The following ESR1 variants were observed in gnomAD, a reference collection of about 807,000 sequenced individuals.
ESR1 encodes estrogen receptor 1.
ESR1 carries 12 observed loss-of-function variants against 52.7 expected under a neutral mutation model. That is an observed-to-expected ratio of 0.23 (90% CI 0.15 to 0.37). The LOEUF is 0.37. Among genes scored for constraint, ESR1 ranks in the 10% least tolerant of loss-of-function variants. ESR1 has a pLI of 1.00. For missense variants in ESR1, 584 were observed against 779.7 expected (o/e 0.75, Z 2.99); for synonymous variants, 305 against 316.8 (o/e 0.96, Z 0.39).
intron 2 of ESR1, among the ~76,000 whole-genome samples, chr6:151,736,375 G>GTTTT (rs10624912): frequency 8.0e-5 from 9 of 112,740 alleles, no homozygotes; most frequent in African/African-American, 3.4e-4. Flanking sequence ...TCCAGGTAGT[G>GTTTT]TTTTTTTTTT....
intron 2 of ESR1, among the ~76,000 whole-genome samples, chr6:151,850,002 ATAT>A (rs1365554335): frequency 1.3e-5 from 1 of 76,770 alleles, no homozygotes; most frequent in Non-Finnish European, 2.7e-5. Context: ...ATATATATAT[ATAT>A]AATTTTGTAT....
At chr6:151,818,409 T>A in intron 1 of ESR1, among the ~76,000 whole-genome samples, 1 of 152,228 alleles carries the variant, frequency 6.6e-6, no homozygotes, top group Non-Finnish European at 1.5e-5. Context: ...TCTTGGTTCT[T>A]TGTTTTTGAT....
intron 5 of ESR1, among the ~76,000 whole-genome samples, chr6:152,029,106 A>G (rs1423577928): frequency 6.6e-6 from 1 of 152,242 alleles, no homozygotes; most frequent in African/African-American, 2.4e-5. Flanking sequence ...AAAACTAACA[A>G]ACAGAAAGGA....
chr6:151,850,721 C>G lies in ESR1; in HGVS notation c.643+7934C>G, dbSNP rs1313731172. On this transcript the variant is annotated intron_variant, in intron 2 of 7. Transcript: ENST00000206249. Reference sequence around the variant, plus strand: ...CTTGCCACTCCCTCCGGCATCCGTACTTCAAACTGGGGAGTTAGTTATTTC... The same window carrying G: ...CTTGCCACTCCCTCCGGCATCCGTAGTTCAAACTGGGGAGTTAGTTATTTC... Among the ~76,000 whole-genome samples, 4 of 152,210 alleles carry G rather than the reference C, an allele frequency of 2.6e-5. No individual in the cohort carries two copies. The East Asian group carries it at 7.8e-4, about 30-fold the overall frequency.
intron 5 of ESR1, among the ~76,000 whole-genome samples, chr6:152,050,918 T>A (rs546830539): frequency 6.6e-6 from 1 of 152,352 alleles, no homozygotes; most frequent in African/African-American, 2.4e-5. Context: ...TGTGCTTTGT[T>A]ATAAGGATAG....
chr6:151,996,336 C>T (rs1487092754), intron 4 of ESR1, among the ~76,000 whole-genome samples: 1 of 152,124 alleles, frequency 6.6e-6, no homozygotes, highest in East Asian at 1.9e-4. Flanking sequence ...GGGGACCTCC[C>T]ACTGTCCTCT....
chr6:151,934,610 A>G (rs552439648), intron 3 of ESR1, among the ~76,000 whole-genome samples: 2 of 152,312 alleles, frequency 1.3e-5, no homozygotes, highest in South Asian at 2.1e-4. Flanking sequence ...TAATTTTGGT[A>G]GGAGACAGCA....
chr6:151,687,307 G>A (rs77032294), upstream of ESR1, among the ~76,000 whole-genome samples: 3,416 of 152,248 alleles, frequency 0.022, 54 homozygotes, highest in East Asian at 0.065. Flanking sequence ...TCCTTAGAAC[G>A]ATAGTGAGTG....
intron 2 of ESR1, among the ~76,000 whole-genome samples, chr6:151,879,663 T>C (rs1031631006): frequency 1.1e-4 from 17 of 152,192 alleles, no homozygotes; most frequent in African/African-American, 3.9e-4. Context: ...CGGGGAACTA[T>C]GGTAAACTCC....
At chr6:151,726,387 A>G (rs1364185278) in intron 2 of ESR1, among the ~76,000 whole-genome samples, 1 of 151,194 alleles carries the variant, frequency 6.6e-6, no homozygotes, top group Non-Finnish European at 1.5e-5. Context: ...GCTGGAGTGC[A>G]GTGGCGCAAT....
intron 3 of ESR1, among the ~76,000 whole-genome samples, chr6:151,922,609 A>C (rs2031920731): frequency 6.6e-6 from 1 of 152,090 alleles, no homozygotes; most frequent in African/African-American, 2.4e-5. Flanking sequence ...GGGTTTTTTA[A>C]AAGCCTTTTC....
intron 6 of ESR1, among the ~76,000 whole-genome samples, chr6:152,123,665 G>T (rs143991803): frequency 2.0e-5 from 3 of 152,162 alleles, no homozygotes; most frequent in Non-Finnish European, 4.4e-5. Context: ...GGCATTTGGT[G>T]TACACTCAGA....
At chr6:152,007,957 TC>T (rs773878280) in intron 4 of ESR1, among the ~76,000 whole-genome samples, 14 of 152,156 alleles carry the variant, frequency 9.2e-5, no homozygotes, top group Non-Finnish European at 2.1e-4. Context: ...ATCAGAACAT[TC>T]TTCCTGTTTA....
chr6:152,098,895 T>C lies in ESR1; in HGVS notation c.1717T>C (p.Ser573Pro), dbSNP rs1219566739. The C allele has an allele frequency of 6.2e-7, 1 of 1,614,204 alleles. No homozygotes were observed. The highest frequency in any genetic ancestry group is 8.5e-7 in the Non-Finnish European group (1 of 1,180,032). ...CCAAAGCCACTTGGCCACTGCGGGC[T>C]CTACTTCATCGCATTCCTTGCAAAA... ...TDQSHLATAGSTSSHSLQKYY... is the reference protein window; with the variant it reads ...TDQSHLATAGPTSSHSLQKYY... The change falls in exon 8 of 8, where the codon TCT becomes CCT. Residue 573 changes from serine to proline, a missense_variant. Transcript: ENST00000206249. This position sits in a 1 kb window ranked among gnomAD's most constrained non-coding sequence, Gnocchi z 5.1.
intron 3 of ESR1, among the ~76,000 whole-genome samples, chr6:151,887,420 A>G (rs962723935): frequency 5.0e-4 from 76 of 152,266 alleles, no homozygotes; most frequent in African/African-American, 1.7e-3. Flanking sequence ...AAGTAAGTGA[A>G]TCACATATGG....
intron 2 of ESR1, among the ~76,000 whole-genome samples, chr6:151,752,252 T>A (rs183443428): frequency 0.019 from 2,917 of 152,214 alleles, 38 homozygotes; most frequent in East Asian, 0.033. Context: ...TGTAGCCTTT[T>A]AAAAAAATAG....
At chr6:151,725,289 T>A (rs1370115792) in intron 2 of ESR1, among the ~76,000 whole-genome samples, 1 of 152,204 alleles carries the variant, frequency 6.6e-6, no homozygotes, top group Non-Finnish European at 1.5e-5. Context: ...TTGCCAAACA[T>A]CATTGATGTG....
intron 4 of ESR1, among the ~76,000 whole-genome samples, chr6:151,953,789 A>G (rs2036595395): frequency 6.6e-6 from 1 of 152,084 alleles, no homozygotes; most frequent in African/African-American, 2.4e-5. Flanking sequence ...GAATTCACCT[A>G]TTTCCTATAT....
At chr6:152,129,112 A>T (rs1585568088) in exon 7 of ESR1, 1 of 152,286 alleles carries the variant, frequency 6.6e-6, no homozygotes, top group Non-Finnish European at 1.5e-5. Flanking sequence ...CCCAGCTGCA[A>T]AGCCCTGTTA....
Sources: gnomAD v4.1 joint callset for allele counts (sites outside exome capture counted in the v4.1 genomes callset) on GRCh38, gnomAD v4.1.1 for gene constraint, Gnocchi (gnomAD v3.1) non-coding constraint, MANE v1.5 for transcripts, NCBI Gene and HGNC (gene_info 2026-07-23, HGNC 2026-07-21) for gene names.